Variants in HS2ST1 observed in about 807,000 individuals in gnomAD.
HS2ST1 encodes the protein 2-O-sulfotransferase.
In HS2ST1, 18 loss-of-function variants were observed where a neutral mutation model predicts 42.9. The observed-to-expected ratio is 0.42, with a 90% CI of 0.29 to 0.62. The LOEUF (loss-of-function observed/expected upper bound fraction) is 0.62. HS2ST1 is among the 20% of genes least tolerant of loss of function. The pLI is 0.21. For missense variants in HS2ST1, 334 were observed against 433.8 expected (o/e 0.77, Z 2.04); for synonymous variants, 146 against 152.9 (o/e 0.95, Z 0.33).
At chr1:87,088,225 T>C (rs1244375238) in intron 3 of HS2ST1, among the ~76,000 whole-genome samples, 1 of 152,042 alleles carries the variant, frequency 6.6e-6, no homozygotes, top group Non-Finnish European at 1.5e-5. Context: ...CATTATTCTC[T>C]TTTGGAAGGT....
chr1:86,937,991 T>G (rs1447121399), intron 1 of HS2ST1, among the ~76,000 whole-genome samples: 1 of 152,214 alleles, frequency 6.6e-6, no homozygotes, highest in Non-Finnish European at 1.5e-5. Context: ...ACATGTGTAC[T>G]CAGACAATAA....
rs56401098 is a variant in HS2ST1 at position 87,018,132 on chromosome 1, C to CCACA, written c.125-54773_125-54770dup. Among the ~76,000 whole-genome samples, 493 of 149,346 alleles carry CCACA rather than the reference C, an allele frequency of 3.3e-3. 4 individuals are homozygous for CCACA. Among genetic ancestry groups the CCACA allele is most frequent in the African/African-American group, 0.011 (434 of 40,464 alleles). ...TTTACCCTTCAAAGATAAATAAAAG[C>CCACA]CACACACACACACACACACACACAC... On this transcript the variant is annotated intron_variant, in intron 1 of 6. Coordinates refer to ENST00000370550, the MANE Select transcript of HS2ST1 (RefSeq NM_012262.4).
At chr1:86,940,191 G>C (rs972100667) in intron 1 of HS2ST1, among the ~76,000 whole-genome samples, 2 of 152,086 alleles carry the variant, frequency 1.3e-5, no homozygotes, top group Non-Finnish European at 2.9e-5. Context: ...GGACAACAAA[G>C]TGAGATTCCC....
intron 1 of HS2ST1, among the ~76,000 whole-genome samples, chr1:86,994,727 A>T (rs143917313): frequency 6.6e-6 from 1 of 152,198 alleles, no homozygotes; most frequent in Non-Finnish European, 1.5e-5. Context: ...TTATTACAGA[A>T]TGAAAACTAT....
At chr1:86,954,074 G>A (rs1031867536) in intron 1 of HS2ST1, among the ~76,000 whole-genome samples, 22 of 144,454 alleles carry the variant, frequency 1.5e-4, no homozygotes, top group African/African-American at 5.0e-4. Context: ...AAAAAAGGCC[G>A]GGCTTGGTGG....
At chr1:86,984,346 G>A (rs1648694451) in intron 1 of HS2ST1, among the ~76,000 whole-genome samples, 1 of 152,128 alleles carries the variant, frequency 6.6e-6, no homozygotes, top group Non-Finnish European at 1.5e-5. Flanking sequence ...AATCTGACCT[G>A]CCCAGTTTAC....
chr1:86,970,288 C>T (rs1648192302), intron 1 of HS2ST1, among the ~76,000 whole-genome samples: 1 of 151,854 alleles, frequency 6.6e-6, no homozygotes, highest in African/African-American at 2.4e-5. Context: ...CTCTGTAAGC[C>T]ATAACAGTGC....
chr1:87,038,528 CAG>C (rs1341863749), intron 1 of HS2ST1, among the ~76,000 whole-genome samples: 1 of 152,024 alleles, frequency 6.6e-6, no homozygotes, highest in African/African-American at 2.4e-5. Context: ...TTGTATGTAA[CAG>C]AAGTTATTCT....
chr1:87,028,798 A>G (rs1285220385), intron 1 of HS2ST1, among the ~76,000 whole-genome samples: 3 of 152,302 alleles, frequency 2.0e-5, no homozygotes, highest in Non-Finnish European at 4.4e-5. Context: ...GGAAAAGCTG[A>G]TATTTTTGAA....
intron 1 of HS2ST1, among the ~76,000 whole-genome samples, chr1:86,925,552 T>TG (rs71082046): frequency 1 from 152,368 of 152,368 alleles, 76,184 homozygotes; most frequent in Non-Finnish European, 1. Flanking sequence ...ACATCTTATG[T>TG]GATGGTGGCA....
intron 1 of HS2ST1, among the ~76,000 whole-genome samples, chr1:87,052,185 C>T (rs1009827175): frequency 2.6e-5 from 4 of 152,030 alleles, no homozygotes; most frequent in African/African-American, 9.7e-5. Context: ...CCTGGGAGGT[C>T]GAGGCTGCAG....
chr1:86,990,177 C>T (rs931632325), intron 1 of HS2ST1, among the ~76,000 whole-genome samples: 3 of 152,154 alleles, frequency 2.0e-5, no homozygotes, highest in African/African-American at 7.2e-5. Context: ...AATTTACACT[C>T]CCATAAACAG....
rs7546043 is a variant in HS2ST1, at chr1:87,069,539, T to G, written c.125-3395T>G. 7.7e-3 allele frequency among the ~76,000 whole-genome samples: 1,172 copies of G among 152,314 alleles called. 24 individuals carry two copies. The highest frequency in any genetic ancestry group is 0.027 in the African/African-American group (1,140 of 41,574). On this transcript the variant is annotated intron_variant, in intron 1 of 6. Coordinates refer to ENST00000370550, the MANE Select transcript of HS2ST1 (RefSeq NM_012262.4). ...ATTGCCACAGAAGAAAGATAGTAAT[T>G]TATCATCAATAATAGTTACTGCTGT...
intron 1 of HS2ST1, among the ~76,000 whole-genome samples, chr1:86,933,902 T>C: frequency 6.6e-6 from 1 of 152,194 alleles, no homozygotes; most frequent in African/African-American, 2.4e-5. Flanking sequence ...TCTTTGGGTT[T>C]CCCTAATAAC....
At chr1:87,058,694 A>G (rs528178219) in intron 1 of HS2ST1, among the ~76,000 whole-genome samples, 17 of 151,756 alleles carry the variant, frequency 1.1e-4, no homozygotes, top group African/African-American at 3.9e-4. Flanking sequence ...TGTAATTCAT[A>G]TCTCTGAGTC....
chr1:86,936,631 A>G (rs1428827538), intron 1 of HS2ST1, among the ~76,000 whole-genome samples: 4 of 152,204 alleles, frequency 2.6e-5, no homozygotes, highest in Non-Finnish European at 4.4e-5. Context: ...TATTTGTTCA[A>G]GGTCACATAG....
At chr1:87,101,336 T>A (rs1248590376) in intron 5 of HS2ST1, among the ~76,000 whole-genome samples, 2 of 151,766 alleles carry the variant, frequency 1.3e-5, no homozygotes, top group African/African-American at 2.4e-5. Context: ...CAGCTAATTT[T>A]TGTATTTTTA....
At chr1:87,006,254 A>G (rs1371224145) in intron 1 of HS2ST1, among the ~76,000 whole-genome samples, 1 of 152,142 alleles carries the variant, frequency 6.6e-6, no homozygotes, top group African/African-American at 2.4e-5. Context: ...ACAATTTAGC[A>G]TTGACATGAC....
intron 1 of HS2ST1, among the ~76,000 whole-genome samples, chr1:87,002,525 G>T (rs959227967): frequency 9.2e-5 from 14 of 151,508 alleles, no homozygotes; most frequent in African/African-American, 3.4e-4. Flanking sequence ...AGCCTGGGAG[G>T]TTGAGGCTGC....
Sources: allele counts gnomAD v4.1 joint callset (sites outside exome capture counted in the v4.1 genomes callset), GRCh38; gene constraint gnomAD v4.1.1; transcripts MANE v1.5; gene names NCBI Gene and HGNC (gene_info 2026-07-23, HGNC 2026-07-21).